The following RBM33 variants were observed in gnomAD, a reference collection of about 807,000 sequenced individuals.
RBM33 encodes RNA binding motif protein 33, also known as RNA-binding protein 33.
A neutral mutation model predicts 132.6 loss-of-function variants in RBM33; 28 were observed. The ratio of observed to expected loss-of-function variants is 0.21; its 90% CI spans 0.16 to 0.29. RBM33 has a LOEUF of 0.29. Among genes scored for constraint, RBM33 ranks in the 10% least tolerant of loss-of-function variants. RBM33 has a pLI of 1.00. For synonymous variants in RBM33, 634 were observed against 593.0 expected, an observed-to-expected ratio of 1.07 and a Z score of -1.01; for missense variants, 1,291 against 1,518.5, an observed-to-expected ratio of 0.85 and a Z score of 2.49.
At chr7:155,710,184 A>C (rs968113677) in intron 7 of RBM33, among the ~76,000 whole-genome samples, 1 of 152,212 alleles carries the variant, frequency 6.6e-6, no homozygotes, top group Non-Finnish European at 1.5e-5. Flanking sequence ...AATGCTTGTT[A>C]AATTAGACAA....
chr7:155,763,544 T>C (rs1285223362), intron 14 of RBM33, among the ~76,000 whole-genome samples: 2 of 152,214 alleles, frequency 1.3e-5, no homozygotes, highest in Non-Finnish European at 2.9e-5. Flanking sequence ...TTCGACAACA[T>C]TTATTTTAAT....
intron 1 of RBM33, among the ~76,000 whole-genome samples, chr7:155,654,575 G>A (rs1161124968): frequency 6.6e-6 from 1 of 152,132 alleles, no homozygotes; most frequent in Non-Finnish European, 1.5e-5. Flanking sequence ...TAGGCTTGTG[G>A]AACTCAGCCT....
intron 14 of RBM33, among the ~76,000 whole-genome samples, chr7:155,761,250 T>C (rs961705971): frequency 6.6e-6 from 1 of 152,226 alleles, no homozygotes; most frequent in Non-Finnish European, 1.5e-5. Context: ...TGTATGTTTA[T>C]GAGGAATATT....
At chr7:155,656,281 C>T (rs1345549756) in intron 1 of RBM33, among the ~76,000 whole-genome samples, 2 of 152,140 alleles carry the variant, frequency 1.3e-5, no homozygotes, top group East Asian at 3.9e-4. Context: ...TAAATCAGGG[C>T]ACCAATATTT....
At chr7:155,670,220 T>G (rs1171022189) in intron 2 of RBM33, among the ~76,000 whole-genome samples, 2 of 152,252 alleles carry the variant, frequency 1.3e-5, no homozygotes, top group African/African-American at 4.8e-5. Flanking sequence ...CGTACTCAAG[T>G]AGTGATTACT....
intron 8 of RBM33, among the ~76,000 whole-genome samples, chr7:155,714,342 A>C (rs1449958696): frequency 6.6e-6 from 1 of 152,172 alleles, no homozygotes; most frequent in Non-Finnish European, 1.5e-5. Context: ...AGATGGTGAA[A>C]AGGAGATCAT....
chr7:155,694,336 T>C (rs1799731878), intron 5 of RBM33, among the ~76,000 whole-genome samples: 1 of 152,248 alleles, frequency 6.6e-6, no homozygotes, highest in Non-Finnish European at 1.5e-5. Context: ...GTTATGCTAT[T>C]GTCTTCTAAC....
At chr7:155,653,959 A>G (rs1337727128) in intron 1 of RBM33, among the ~76,000 whole-genome samples, 1 of 152,234 alleles carries the variant, frequency 6.6e-6, no homozygotes, top group Non-Finnish European at 1.5e-5. Flanking sequence ...CCCGAACTCC[A>G]GATGATTAGT....
intron 5 of RBM33, among the ~76,000 whole-genome samples, chr7:155,681,717 G>T (rs550502891): frequency 1.3e-5 from 2 of 151,960 alleles, no homozygotes; most frequent in African/African-American, 2.4e-5. Context: ...TGCAAAATTG[G>T]GGCCTTAAAG....
At chr7:155,675,888 C>T (rs1040271454) in intron 3 of RBM33, among the ~76,000 whole-genome samples, 2 of 151,968 alleles carry the variant, frequency 1.3e-5, no homozygotes, top group African/African-American at 4.8e-5. Flanking sequence ...ATTCCCTGTT[C>T]GATACTACTT....
intron 7 of RBM33, 55 bp from the exon 8 acceptor site, chr7:155,711,148 T>C (rs1400075136): frequency 2.1e-6 from 3 of 1,444,670 alleles, no homozygotes; most frequent in African/African-American, 2.9e-5. Context: ...CGGTGAACTT[T>C]TGTTTTTTTT....
chr7:155,673,942 T>TGTTGTTGTTTTTTTG (rs780547846), intron 3 of RBM33, among the ~76,000 whole-genome samples: 5 of 31,426 alleles, frequency 1.6e-4, no homozygotes, highest in African/African-American at 4.2e-4. Context: ...TAGGCTTAGT[T>TGTTGTTGTTTTTTTG]TTTTTTTTTT....
chr7:155,649,647 C>G (rs1263927518), intron 1 of RBM33, among the ~76,000 whole-genome samples: 1 of 152,046 alleles, frequency 6.6e-6, no homozygotes, highest in Non-Finnish European at 1.5e-5. Context: ...TTGTTGTGGC[C>G]TTCAGTTGTC....
At position 155,770,458 on chromosome 7, in the gene RBM33, T is replaced by C. The variant is rs190722225; in HGVS notation, c.3375+3803T>C. ...CTCTGCAGGGGCTCTCGGCCCTTCC[T>C]GCCAGGGAGTGCCTCCCCCACCCGC... On this transcript the variant is annotated intron_variant, in intron 16 of 17. Transcript: ENST00000401878. 9.8e-5 allele frequency among the ~76,000 whole-genome samples: 15 copies of C among 152,320 alleles called. No individual in the cohort carries two copies. In the East Asian group the frequency reaches 2.5e-3, roughly 26 times the overall value.
chr7:155,687,575 G>A (rs1585438385), intron 5 of RBM33, among the ~76,000 whole-genome samples: 1 of 152,080 alleles, frequency 6.6e-6, no homozygotes, highest in Non-Finnish European at 1.5e-5. Flanking sequence ...GAATGGTATT[G>A]CCTAGGTTTT....
At chr7:155,683,397 T>C (rs1799389070) in intron 5 of RBM33, among the ~76,000 whole-genome samples, 1 of 152,222 alleles carries the variant, frequency 6.6e-6, no homozygotes, top group African/African-American at 2.4e-5. Context: ...GTTTATTAAA[T>C]GACTTGTATA....
At chr7:155,733,172 A>T (rs966476017) in intron 9 of RBM33, among the ~76,000 whole-genome samples, 6 of 152,168 alleles carry the variant, frequency 3.9e-5, no homozygotes, top group Admixed American at 2.6e-4. Flanking sequence ...AATACCGGAG[A>T]TGGAAAGGGA....
chr7:155,733,042 G>T (rs908136414), intron 9 of RBM33, among the ~76,000 whole-genome samples: 2 of 152,214 alleles, frequency 1.3e-5, no homozygotes. Flanking sequence ...TGGCCAGAGA[G>T]TGAAGCAGGG....
Position 155,714,471 on chromosome 7 carries a change from C to T in RBM33, c.1201+3016C>T, listed in dbSNP as rs968613789. 4.6e-5 allele frequency among the ~76,000 whole-genome samples: 7 copies of T among 152,140 alleles called. No individual in the cohort carries two copies. The East Asian group carries it at 1.2e-3, about 25-fold the overall frequency. On this transcript the variant is annotated intron_variant, in intron 8 of 17. Coordinates refer to ENST00000401878, the MANE Select transcript of RBM33 (RefSeq NM_053043.3). ...GGTGGCACGGATCTGAGGCAGGGCA[C>T]GGCAAGGGCCGTCTTTGTGTTTATT...
Sources: allele counts gnomAD v4.1 joint callset (sites outside exome capture counted in the v4.1 genomes callset), GRCh38; gene constraint gnomAD v4.1.1; transcripts MANE v1.5; gene names NCBI Gene and HGNC (gene_info 2026-07-23, HGNC 2026-07-21).